Variants in NBEAL1 observed in about 807,000 individuals in gnomAD.
NBEAL1 encodes the protein neurobeachin like 1.
In NBEAL1, 273 loss-of-function variants were observed where a neutral mutation model predicts 351.3. The ratio of observed to expected loss-of-function variants is 0.78; its 90% CI spans 0.70 to 0.86. The LOEUF (loss-of-function observed/expected upper bound fraction) is 0.86. Ranked by LOEUF, NBEAL1 falls within the 40% of genes least tolerant of loss-of-function variation. NBEAL1 has a pLI of 0.00. For missense variants in NBEAL1, 2,961 were observed against 3,201.3 expected (o/e 0.92, Z 1.81); for synonymous variants, 1,050 against 1,086.4 (o/e 0.97, Z 0.66).
At chr2:203,172,652 A>G in intron 40 of NBEAL1, 77 bp from the exon 41 acceptor site, 1 of 1,286,330 alleles carries the variant, frequency 7.8e-7, no homozygotes, top group Non-Finnish European at 1.0e-6. Flanking sequence ...GTCTTTAGAT[A>G]ACCATTTGAT....
Position 203,138,262 on chromosome 2 carries a change from C to T in NBEAL1, c.4666C>T (p.Gln1556Ter). The T allele has an allele frequency of 3.1e-6, 5 of 1,614,048 alleles. No individual in the cohort carries two copies. The highest frequency in any genetic ancestry group is 4.2e-6 in the Non-Finnish European group (5 of 1,179,958). The stretch of plus-strand genomic sequence containing the variant: ...CGCCTTCCGACTAGTGCTGATCATA[C>T]AGGACTTTCTTCAGTCAGAGGGACT... ...ENAFRLVLIIQDFLQSEGLVN... is the reference protein window; with the variant it reads ...ENAFRLVLII The change falls in exon 30 of 56, where the codon CAG (glutamine) becomes TAG (stop). Residue 1556 changes from glutamine to a stop codon, truncating the protein, a stop_gained. Transcript: ENST00000683969. LOFTEE classifies it high-confidence loss of function.
chr2:203,055,567 T>A (rs539724936), intron 4 of NBEAL1, among the ~76,000 whole-genome samples: 1 of 152,106 alleles, frequency 6.6e-6, no homozygotes, highest in African/African-American at 2.4e-5. Context: ...ATTGCACCAC[T>A]GCACTCTAGT....
At chr2:203,068,539 T>C (rs1039311276) in intron 7 of NBEAL1, 64 bp downstream of exon 7, 21 of 901,740 alleles carry the variant, frequency 2.3e-5, no homozygotes, top group Middle Eastern at 2.2e-4. Flanking sequence ...TTTTTATTCT[T>C]ACTCTGATTC....
intron 42 of NBEAL1, among the ~76,000 whole-genome samples, chr2:203,177,584 A>G (rs1575089005): frequency 6.6e-6 from 1 of 152,218 alleles, no homozygotes; most frequent in African/African-American, 2.4e-5. Flanking sequence ...CACACCCACT[A>G]TGATAGCTAT....
At chr2:203,125,120 AATGAAG>A (rs1209778052) in intron 19 of NBEAL1, among the ~76,000 whole-genome samples, 1 of 152,186 alleles carries the variant, frequency 6.6e-6, no homozygotes, top group Non-Finnish European at 1.5e-5. Context: ...AAATTTGGAA[AATGAAG>A]ATGGAGTAAA....
intron 18 of NBEAL1, among the ~76,000 whole-genome samples, chr2:203,119,424 C>CTTTTTTTTTGTTTTTTTTTTTTTTT (rs2062776985): frequency 1.5e-5 from 1 of 66,656 alleles, no homozygotes; most frequent in Non-Finnish European, 2.6e-5. Context: ...CGGCCTGTTG[C>CTTTTTTTTTGTTTTTTTTTTTTTTT]TTTTTTTTTT....
chr2:203,022,454 G>A (rs544745805), intron 2 of NBEAL1, among the ~76,000 whole-genome samples: 1 of 152,130 alleles, frequency 6.6e-6, no homozygotes. Context: ...CAGTATTAGA[G>A]GTGATATTTA....
Position 203,057,460 on chromosome 2 carries a change from C to A in NBEAL1, c.515+7C>A, listed in dbSNP as rs1403600643. On this transcript the variant is annotated splice_region_variant and intron_variant, in intron 6 of 55. Coordinates refer to ENST00000683969, the MANE Select transcript of NBEAL1 (RefSeq NM_001378026.1). The stretch of plus-strand genomic sequence containing the variant: ...GGAGACATAGAATTTCAGGGTATGT[C>A]TTATAAATAATAACGTTCATTTAAA... 1 of 1,541,932 alleles carries A rather than the reference C, an allele frequency of 6.5e-7. No individual in the cohort carries two copies. The highest frequency in any genetic ancestry group is 8.8e-7 in the Non-Finnish European group (1 of 1,141,438).
intron 18 of NBEAL1, 39 bp from the exon 19 acceptor site, chr2:203,122,215 T>G (rs1476207621): frequency 1.7e-6 from 2 of 1,162,384 alleles, no homozygotes; most frequent in African/African-American, 3.1e-5. Flanking sequence ...TATGTTTTGT[T>G]CTAATTGGTT....
At chr2:203,017,182 T>TGAG (rs1161829865) in intron 2 of NBEAL1, among the ~76,000 whole-genome samples, 2 of 152,170 alleles carry the variant, frequency 1.3e-5, no homozygotes, top group Non-Finnish European at 2.9e-5. Context: ...GTTTTTCAAG[T>TGAG]GAGGAGGTAC....
chr2:203,039,316 C>T (rs1415248704), intron 2 of NBEAL1, among the ~76,000 whole-genome samples: 1 of 53,374 alleles, frequency 1.9e-5, no homozygotes, highest in Non-Finnish European at 3.8e-5. Context: ...TCCCCTCCCC[C>T]CCTCCCCTCC....
At chr2:203,160,751 CTGT>C (rs1451586768) in intron 36 of NBEAL1, among the ~76,000 whole-genome samples, 5 of 152,122 alleles carry the variant, frequency 3.3e-5, no homozygotes, top group Admixed American at 2.6e-4. Context: ...TCTGTAGAGC[CTGT>C]TTTAACCGGC....
At chr2:203,153,368 T>A (rs1339608789) in intron 35 of NBEAL1, among the ~76,000 whole-genome samples, 1 of 147,900 alleles carries the variant, frequency 6.8e-6, no homozygotes, top group Non-Finnish European at 1.5e-5. Context: ...CTTGAACTCC[T>A]AGGCTCAAGT....
At chr2:203,137,841 G>A (rs1036492415) in intron 29 of NBEAL1, among the ~76,000 whole-genome samples, 2 of 151,538 alleles carry the variant, frequency 1.3e-5, no homozygotes, top group African/African-American at 4.9e-5. Flanking sequence ...AAAATTAGCC[G>A]GGCATGGTGG....
At chr2:203,069,137 A>G (rs534296183) in intron 7 of NBEAL1, among the ~76,000 whole-genome samples, 14 of 152,366 alleles carry the variant, frequency 9.2e-5, no homozygotes, top group African/African-American at 3.4e-4. Context: ...AAAATATAGT[A>G]TAATTTGCAG....
At chr2:203,197,268 C>A in intron 47 of NBEAL1, 34 bp from the exon 48 acceptor site, 1 of 1,241,198 alleles carries the variant, frequency 8.1e-7, no homozygotes, top group South Asian at 1.3e-5. Context: ...TAAAGATGAG[C>A]AGAACCAGCC....
intron 7 of NBEAL1, chr2:203,075,221 T>C (rs1306107562): frequency 6.6e-6 from 1 of 152,244 alleles, no homozygotes; most frequent in Non-Finnish European, 1.5e-5. Flanking sequence ...GAAAATACTC[T>C]TTATGACTTC....
At chr2:203,109,193 C>CT (rs1036087867) in intron 14 of NBEAL1, among the ~76,000 whole-genome samples, 19 of 152,052 alleles carry the variant, frequency 1.2e-4, no homozygotes, top group Admixed American at 8.5e-4. Context: ...ACTGTCTGTA[C>CT]TAAAAATACA....
chr2:203,031,908 C>T (rs561609176), intron 2 of NBEAL1, among the ~76,000 whole-genome samples: 1 of 152,326 alleles, frequency 6.6e-6, no homozygotes, highest in African/African-American at 2.4e-5. Flanking sequence ...AATCCCCTCC[C>T]ACATTGTACC....
Sources: allele counts gnomAD v4.1 joint callset (sites outside exome capture counted in the v4.1 genomes callset), GRCh38; gene constraint gnomAD v4.1.1; transcripts MANE v1.5; gene names NCBI Gene and HGNC (gene_info 2026-07-23, HGNC 2026-07-21).